Variants in ZC3HC1 observed in about 807,000 individuals in gnomAD.
ZC3HC1 encodes the protein zinc finger C3HC-type protein 1.
A neutral mutation model predicts 61.9 loss-of-function variants in ZC3HC1; 38 were observed. The ratio of observed to expected loss-of-function variants is 0.61; its 90% CI spans 0.47 to 0.81. The LOEUF (loss-of-function observed/expected upper bound fraction) is 0.81, where lower values mean the gene tolerates loss of function less well. Ranked by LOEUF, ZC3HC1 falls within the 30% of genes least tolerant of loss-of-function variation. The pLI is 0.00. For synonymous variants in ZC3HC1, 213 were observed against 229.9 expected (o/e 0.93, Z 0.67); for missense variants, 554 against 622.7 (o/e 0.89, Z 1.17).
intron 2 of ZC3HC1, among the ~76,000 whole-genome samples, chr7:130,044,523 G>A (rs559976328): frequency 1.3e-5 from 2 of 152,056 alleles, no homozygotes; most frequent in South Asian, 4.1e-4. Flanking sequence ...ACTAAATAAG[G>A]AACAACTGGA....
chr7:130,049,829 C>T (rs905196733), intron 1 of ZC3HC1, among the ~76,000 whole-genome samples: 1 of 151,636 alleles, frequency 6.6e-6, no homozygotes, highest in Admixed American at 6.6e-5. Flanking sequence ...GGATTACAGG[C>T]GTGAGCCACA....
At chr7:130,027,814 C>G (rs367741332) in intron 5 of ZC3HC1, among the ~76,000 whole-genome samples, 2 of 151,934 alleles carry the variant, frequency 1.3e-5, no homozygotes, top group African/African-American at 2.4e-5. Context: ...CCACTGTGCC[C>G]GGGCTGACTA....
chr7:130,020,090 C>T (rs565365947), intron 9 of ZC3HC1, among the ~76,000 whole-genome samples: 22 of 152,080 alleles, frequency 1.4e-4, no homozygotes, highest in Admixed American at 2.6e-4. Context: ...GCTGGGATTA[C>T]AGGCGTGAGC....
upstream of ZC3HC1, chr7:130,051,428 A>C: frequency 1.2e-6 from 2 of 1,603,606 alleles, no homozygotes; most frequent in Non-Finnish European, 1.7e-6. Context: ...CCGTCCTGGG[A>C]GGTTAATATC....
At chr7:130,049,275 A>C in intron 1 of ZC3HC1, 131 bp from the exon 2 acceptor site, 1 of 540,604 alleles carries the variant, frequency 1.8e-6, no homozygotes, top group Non-Finnish European at 3.0e-6. Context: ...AAATCATTTT[A>C]CTCATGTCAT....
At chr7:130,030,857 A>C (rs1794152238) in intron 4 of ZC3HC1, among the ~76,000 whole-genome samples, 1 of 150,466 alleles carries the variant, frequency 6.6e-6, no homozygotes, top group African/African-American at 2.4e-5. Context: ...TTTAGTAGAG[A>C]CGGGGTTTCA....
chr7:130,031,953 C>T (rs1011623814), intron 4 of ZC3HC1, among the ~76,000 whole-genome samples: 10 of 152,188 alleles, frequency 6.6e-5, no homozygotes, highest in African/African-American at 2.4e-4. Context: ...AGGCCGGGCA[C>T]AGTGGCTCAC....
At chr7:130,041,251 G>T in intron 2 of ZC3HC1, 150 bp from the exon 3 acceptor site, 1 of 841,972 alleles carries the variant, frequency 1.2e-6, no homozygotes, top group Non-Finnish European at 1.7e-6. Flanking sequence ...GCAGTGGCAC[G>T]ATCTAAGCTC....
chr7:130,022,841 C>T (rs961800857), intron 8 of ZC3HC1, among the ~76,000 whole-genome samples: 2 of 152,094 alleles, frequency 1.3e-5, no homozygotes, highest in African/African-American at 2.4e-5. Flanking sequence ...CAGCTGCTCC[C>T]CATTGTTTGC....
chr7:130,021,664 T>G (rs1793645951), intron 9 of ZC3HC1, among the ~76,000 whole-genome samples: 1 of 152,158 alleles, frequency 6.6e-6, no homozygotes, highest in South Asian at 2.1e-4. Flanking sequence ...CAAGTGCAAG[T>G]GACAGCAAAT....
At chr7:130,019,115 G>A (rs941997212) in intron 9 of ZC3HC1, among the ~76,000 whole-genome samples, 5 of 149,304 alleles carry the variant, frequency 3.3e-5, no homozygotes, top group African/African-American at 9.9e-5. Context: ...GTGCAGTGGC[G>A]CAATCTCGGC....
At chr7:130,049,224 G>T in intron 1 of ZC3HC1, 80 bp from the exon 2 acceptor site, 2 of 1,004,344 alleles carry the variant, frequency 2.0e-6, no homozygotes, top group Non-Finnish European at 2.8e-6. Context: ...TCTACACATC[G>T]TATCATAAAT....
intron 5 of ZC3HC1, among the ~76,000 whole-genome samples, chr7:130,028,314 G>T (rs1373365233): frequency 6.6e-6 from 1 of 152,000 alleles, no homozygotes; most frequent in Non-Finnish European, 1.5e-5. Context: ...GGCCGAGGCA[G>T]GTGGATCACC....
At chr7:130,038,949 A>G (rs894202664) in intron 4 of ZC3HC1, among the ~76,000 whole-genome samples, 1 of 152,002 alleles carries the variant, frequency 6.6e-6, no homozygotes, top group Non-Finnish European at 1.5e-5. Context: ...TAATGCATAT[A>G]TATGTCTAAA....
chr7:130,047,638 T>TACAC (rs34052360), intron 2 of ZC3HC1, among the ~76,000 whole-genome samples: 18,537 of 138,036 alleles, frequency 0.13, 1,219 homozygotes, highest in Non-Finnish European at 0.15. Context: ...AGACTTTGTC[T>TACAC]ACACACACAC....
In ZC3HC1 at chr7:130,023,836, G is replaced by T. The variant is rs1793763429; in HGVS notation, c.1021-113C>A. 1 of 1,007,578 alleles carries T rather than the reference G, an allele frequency of 9.9e-7. No individual in the cohort carries two copies. The highest frequency in any genetic ancestry group is 1.4e-6 in the Non-Finnish European group (1 of 709,540). 62.4% of individuals were successfully genotyped at this position (1,007,578 alleles called of 1,614,324 possible). A position where few individuals can be genotyped will look rare whatever the true frequency, so the allele number is the denominator to read the frequency against. Reference sequence around the variant, plus strand: ...TTTTTTTGAGACAGAGTCTCGCTTTGTTGCCAAGGCTGGAGAGCAGTGAGG... The same window carrying T: ...TTTTTTTGAGACAGAGTCTCGCTTTTTTGCCAAGGCTGGAGAGCAGTGAGG... On this transcript the variant is annotated intron_variant, in intron 7 of 9. Coordinates refer to ENST00000358303, the MANE Select transcript of ZC3HC1 (RefSeq NM_016478.5). This position sits in a 1 kb window ranked among gnomAD's most constrained non-coding sequence, Gnocchi z 4.2.
chr7:130,048,952 A>G (rs912911785), intron 2 of ZC3HC1, 81 bp downstream of exon 2: 7 of 1,015,146 alleles, frequency 6.9e-6, no homozygotes, highest in Non-Finnish European at 8.2e-6. Context: ...AGTTTAAAGC[A>G]TCACAGTAAG....
At chr7:130,040,435 A>C (rs1480381910) in intron 3 of ZC3HC1, among the ~76,000 whole-genome samples, 1 of 137,866 alleles carries the variant, frequency 7.3e-6, no homozygotes, top group Non-Finnish European at 1.5e-5. Context: ...CGGAGCTTAC[A>C]GTGAGCCAAG....
At chr7:130,018,853 G>T in intron 9 of ZC3HC1, 121 bp from the exon 10 acceptor site, 2 of 810,062 alleles carry the variant, frequency 2.5e-6, no homozygotes, top group Non-Finnish European at 3.9e-6. Flanking sequence ...TTTGTAGTAT[G>T]CTATACATAA....
Sources: gnomAD v4.1 joint callset for allele counts (sites outside exome capture counted in the v4.1 genomes callset) on GRCh38, gnomAD v4.1.1 for gene constraint, Gnocchi (gnomAD v3.1) non-coding constraint, MANE v1.5 for transcripts, NCBI Gene and HGNC (gene_info 2026-07-23, HGNC 2026-07-21) for gene names.